Variants in ITPR2 observed in about 807,000 individuals in gnomAD.
ITPR2 encodes the protein inositol 1,4,5-trisphosphate receptor type 2, also known as inositol 1,4,5-trisphosphate-gated calcium channel ITPR2.
In ITPR2, 207 loss-of-function variants were observed where a neutral mutation model predicts 317.1. That is an observed-to-expected ratio of 0.65 (90% CI 0.58 to 0.73). ITPR2 has a LOEUF of 0.73. Among genes scored for constraint, ITPR2 ranks in the 30% least tolerant of loss-of-function variants. The pLI is 0.00. For synonymous variants in ITPR2, 1,156 were observed against 1,149.1 expected (o/e 1.01, Z -0.12); for missense variants, 2,613 against 3,284.0 (o/e 0.80, Z 4.99).
intron 21 of ITPR2, among the ~76,000 whole-genome samples, chr12:26,651,365 T>C (rs1356085313): frequency 6.6e-6 from 1 of 152,090 alleles, no homozygotes; most frequent in Non-Finnish European, 1.5e-5. Context: ...TTCAAATCTA[T>C]TCTCTCTTTG....
Position 26,336,695 on chromosome 12 carries a change from T to C in ITPR2, c.*2702A>G, listed in dbSNP as rs1937926207. 6.6e-6 allele frequency: 1 copy of C among 152,192 alleles called. No homozygotes were observed. The highest frequency in any genetic ancestry group is 2.4e-5 in the African/African-American group (1 of 41,460). 9.4% of individuals were successfully genotyped at this position (152,192 alleles called of 1,614,324 possible). ...AAAAATATTATTCAGCAGAAACTGA[T>C]ACTTTTGAACCAATATGAATTTGAA... On this transcript the variant is annotated 3_prime_UTR_variant, in exon 57 of 57. Coordinates refer to ENST00000381340, the MANE Select transcript of ITPR2 (RefSeq NM_002223.4).
chr12:26,768,553 G>T (rs1949775676), intron 2 of ITPR2, among the ~76,000 whole-genome samples: 1 of 106,184 alleles, frequency 9.4e-6, no homozygotes, highest in Non-Finnish European at 1.7e-5. Context: ...ATGTCAAATG[G>T]ATGAATACAA....
In ITPR2 at chr12:26,656,399, A is replaced by T. The variant is rs750986352; in HGVS notation, c.2342T>A (p.Leu781His). ...PFDLRASFCR[L>H]MLHMHVDRDP... ...CCGGTCAACGTGCATGTGGAGCATG[A>T]GGCGACAGAAGGACGCTCGGAGGTC... Residue 781 changes from leucine to histidine, a missense_variant, in exon 19 of 57, where the codon CTC becomes CAC. By Grantham distance (99) the Leu-to-His change is moderately conservative. Around this residue, in one of 9 missense-constraint regions of ITPR2, gnomAD observed 817 missense variants for 897.6 expected, o/e 0.91. Coordinates refer to ENST00000381340, the MANE Select transcript of ITPR2 (RefSeq NM_002223.4). The T allele has an allele frequency of 6.2e-7, 1 of 1,614,200 alleles. No individual in the cohort carries two copies. Among genetic ancestry groups the T allele is most frequent in the South Asian group, 1.1e-5 (1 of 91,084 alleles).
chr12:26,753,752 C>A (rs1418580774), intron 2 of ITPR2, among the ~76,000 whole-genome samples: 1 of 152,144 alleles, frequency 6.6e-6, no homozygotes, highest in Non-Finnish European at 1.5e-5. Flanking sequence ...AAGAGAGGTA[C>A]ATTAGGACAA....
At chr12:26,701,148 G>T (rs1306370452) in intron 9 of ITPR2, among the ~76,000 whole-genome samples, 1 of 152,018 alleles carries the variant, frequency 6.6e-6, no homozygotes, top group African/African-American at 2.4e-5. Context: ...CAAAATGATA[G>T]AGAGAGAGAA....
At chr12:26,601,287 C>A (rs1274063403) in intron 28 of ITPR2, among the ~76,000 whole-genome samples, 1 of 152,076 alleles carries the variant, frequency 6.6e-6, no homozygotes, top group Non-Finnish European at 1.5e-5. Flanking sequence ...TATGCATATT[C>A]CCTAGCTTTG....
chr12:26,477,571 T>C (rs1421484612), intron 43 of ITPR2, among the ~76,000 whole-genome samples: 1 of 152,176 alleles, frequency 6.6e-6, no homozygotes, highest in African/African-American at 2.4e-5. Flanking sequence ...TCTCACTATA[T>C]GGCAGGCGAT....
rs1015205280 is a variant in ITPR2 at position 26,604,424 on chromosome 12, T to C, written c.3463-1718A>G. On this transcript the variant is annotated intron_variant, in intron 26 of 56. Coordinates refer to ENST00000381340, the MANE Select transcript of ITPR2 (RefSeq NM_002223.4). Reference sequence around the variant, plus strand: ...CCACAAACCTGTCTATCTTCCCCACTGTGTCTCCAAGAACAAAATTTTTGA... The same window carrying C: ...CCACAAACCTGTCTATCTTCCCCACCGTGTCTCCAAGAACAAAATTTTTGA... Among the ~76,000 whole-genome samples, 4 of 152,186 alleles carry C rather than the reference T, an allele frequency of 2.6e-5. No individual in the cohort carries two copies. The South Asian group carries it at 6.2e-4, about 24-fold the overall frequency.
At chr12:26,786,939 C>G (rs892368189) in intron 2 of ITPR2, among the ~76,000 whole-genome samples, 3 of 152,160 alleles carry the variant, frequency 2.0e-5, no homozygotes, top group African/African-American at 7.2e-5. Context: ...GCTCTGGAAA[C>G]TTGGCAGGGC....
intron 2 of ITPR2, among the ~76,000 whole-genome samples, chr12:26,784,724 C>T (rs1049931471): frequency 2.0e-5 from 3 of 151,488 alleles, no homozygotes; most frequent in Admixed American, 1.3e-4. Flanking sequence ...TGCCTTGGCC[C>T]CCCAAAGTGC....
chr12:26,567,888 A>G (rs984851656), intron 34 of ITPR2, among the ~76,000 whole-genome samples: 13 of 146,050 alleles, frequency 8.9e-5, no homozygotes, highest in African/African-American at 3.3e-4. Flanking sequence ...AATGCAATCA[A>G]AAACACAATC....
At chr12:26,686,443 T>G in intron 11 of ITPR2, 38 bp downstream of exon 11, 1 of 1,422,330 alleles carries the variant, frequency 7.0e-7, no homozygotes, top group Non-Finnish European at 9.5e-7. Context: ...CTGGTATAAT[T>G]ATTCAAAGAA....
At chr12:26,524,443 T>C (rs1248566771) in intron 37 of ITPR2, among the ~76,000 whole-genome samples, 6 of 146,450 alleles carry the variant, frequency 4.1e-5, no homozygotes, top group East Asian at 1.9e-4. Context: ...ATTGGATTTA[T>C]AAATAATGAA....
At chr12:26,488,169 T>C (rs577487925) in intron 39 of ITPR2, among the ~76,000 whole-genome samples, 5 of 152,150 alleles carry the variant, frequency 3.3e-5, no homozygotes, top group Admixed American at 6.5e-5. Context: ...GATTATGAGA[T>C]AGATACAAGA....
chr12:26,425,550 C>T (rs1176962285), intron 49 of ITPR2, among the ~76,000 whole-genome samples: 2 of 151,978 alleles, frequency 1.3e-5, no homozygotes, highest in African/African-American at 4.8e-5. Flanking sequence ...CGCCCATAGC[C>T]CCAGCTACTC....
intron 54 of ITPR2, among the ~76,000 whole-genome samples, chr12:26,395,429 G>C (rs1276225082): frequency 6.6e-6 from 1 of 152,174 alleles, no homozygotes; most frequent in Non-Finnish European, 1.5e-5. Context: ...TAGAGGAGCA[G>C]GAATCTTGGG....
intron 2 of ITPR2, among the ~76,000 whole-genome samples, chr12:26,781,402 TTC>T (rs1592122546): frequency 6.6e-6 from 1 of 152,230 alleles, no homozygotes; most frequent in African/African-American, 2.4e-5. Context: ...TTTCATTTTA[TTC>T]TCTTTTTCCT....
At chr12:26,696,978 T>G (rs1165596460) in intron 9 of ITPR2, among the ~76,000 whole-genome samples, 1 of 152,120 alleles carries the variant, frequency 6.6e-6, no homozygotes, top group Admixed American at 6.6e-5. Context: ...GCCAAGGCCT[T>G]TCTGAGAAGC....
intron 2 of ITPR2, among the ~76,000 whole-genome samples, chr12:26,748,384 C>T (rs538169211): frequency 1.1e-4 from 17 of 152,220 alleles, no homozygotes; most frequent in African/African-American, 3.6e-4. Flanking sequence ...AATTTTATTA[C>T]ACTTAATCCT....
Sources: gnomAD v4.1 joint callset for allele counts (sites outside exome capture counted in the v4.1 genomes callset) on GRCh38, gnomAD v4.1.1 for gene constraint, gnomAD v4.1.1 regional missense constraint, MANE v1.5 for transcripts, NCBI Gene and HGNC (gene_info 2026-07-23, HGNC 2026-07-21) for gene names.